Variants in ARHGAP6 observed in about 807,000 individuals in gnomAD.
The protein encoded by ARHGAP6 is Rho GTPase activating protein 6, also known as rho GTPase-activating protein 6.
ARHGAP6 carries 16 observed loss-of-function variants against 55.7 expected under a neutral mutation model. That is an observed-to-expected ratio of 0.29 (90% CI 0.19 to 0.44). ARHGAP6 has a LOEUF of 0.44. ARHGAP6 is among the 20% of genes least tolerant of loss of function. ARHGAP6 has a pLI of 1.00. For missense variants in ARHGAP6, 698 were observed against 808.9 expected (o/e 0.86, Z 1.66); for synonymous variants, 382 against 360.9 (o/e 1.06, Z -0.66).
At chrX:11,314,753 T>C (rs1347349892) in intron 1 of ARHGAP6, among the ~76,000 whole-genome samples, 1 of 111,049 alleles carries the variant, frequency 9.0e-6, no homozygotes, top group Non-Finnish European at 1.9e-5. Flanking sequence ...CATGGACACA[T>C]GGAGGGGAAC....
intron 1 of ARHGAP6, among the ~76,000 whole-genome samples, chrX:11,543,614 A>G (rs1364322554): frequency 8.9e-6 from 1 of 112,327 alleles, no homozygotes; most frequent in East Asian, 2.8e-4. Flanking sequence ...CTGAGACCAT[A>G]AAAACTCCAA....
chrX:11,579,825 G>A (rs768496195), intron 1 of ARHGAP6, among the ~76,000 whole-genome samples: 3 of 112,020 alleles, frequency 2.7e-5, no homozygotes, highest in Non-Finnish European at 5.6e-5. Context: ...TAAAAGGTAC[G>A]AGACTCAGCA....
chrX:11,476,543 T>C lies in ARHGAP6; in HGVS notation c.588+187698A>G, dbSNP rs751390517. Reference sequence around the variant, plus strand: ...ATAGGAATAACCAAATTATAGGACTTACAGTGTCTGGTTTCAAGATTTACT... The same window carrying C: ...ATAGGAATAACCAAATTATAGGACTCACAGTGTCTGGTTTCAAGATTTACT... On this transcript the variant is annotated intron_variant, in intron 1 of 12. Transcript: ENST00000337414. 1.8e-4 allele frequency among the ~76,000 whole-genome samples: 20 copies of C among 111,563 alleles called. No individual in the cohort carries two copies. In the East Asian group the frequency reaches 4.8e-3, roughly 27 times the overall value.
chrX:11,540,079 C>A (rs1189422488), intron 1 of ARHGAP6, among the ~76,000 whole-genome samples: 4 of 109,298 alleles, frequency 3.7e-5, no homozygotes, highest in Non-Finnish European at 1.9e-5. Flanking sequence ...GATGGTGAAA[C>A]CCCGTCTGTA....
intron 10 of ARHGAP6, among the ~76,000 whole-genome samples, chrX:11,149,648 A>G (rs995744077): frequency 2.7e-5 from 3 of 112,129 alleles, no homozygotes; most frequent in Non-Finnish European, 5.6e-5. Flanking sequence ...AGAAATTATA[A>G]TCTGTCACAT....
chrX:11,318,176 C>A (rs776831622), intron 1 of ARHGAP6, among the ~76,000 whole-genome samples: 1 of 112,172 alleles, frequency 8.9e-6, no homozygotes, highest in East Asian at 2.8e-4. Context: ...TACTATCCAG[C>A]AATATTGCTT....
chrX:11,465,924 T>TCTC (rs745969201), intron 1 of ARHGAP6, among the ~76,000 whole-genome samples: 3 of 103,863 alleles, frequency 2.9e-5, no homozygotes, highest in East Asian at 3.2e-4. Flanking sequence ...GACGAGTATG[T>TCTC]CTCCTCCTCC....
At chrX:11,195,394 G>C (rs1219624291) in intron 3 of ARHGAP6, among the ~76,000 whole-genome samples, 1 of 110,150 alleles carries the variant, frequency 9.1e-6, no homozygotes, top group Non-Finnish European at 1.9e-5. Flanking sequence ...CGTCAATGGG[G>C]CTCAGGTGTC....
chrX:11,333,799 T>A (rs1408570298), intron 1 of ARHGAP6, among the ~76,000 whole-genome samples: 1 of 112,238 alleles, frequency 8.9e-6, no homozygotes, highest in Non-Finnish European at 1.9e-5. Flanking sequence ...TGAGGCTGAC[T>A]GTTAATGACA....
intron 1 of ARHGAP6, among the ~76,000 whole-genome samples, chrX:11,605,138 G>A (rs2052019248): frequency 8.9e-6 from 1 of 111,785 alleles, no homozygotes; most frequent in Middle Eastern, 4.7e-3. Context: ...TGTGCACAAG[G>A]GACAGGAGGA....
intron 1 of ARHGAP6, among the ~76,000 whole-genome samples, chrX:11,339,743 A>G (rs1312579573): frequency 9.0e-6 from 1 of 111,348 alleles, no homozygotes; most frequent in Non-Finnish European, 1.9e-5. Flanking sequence ...GCATATCCCC[A>G]TCTAGGGGCA....
At chrX:11,634,978 T>C (rs949450263) in intron 1 of ARHGAP6, among the ~76,000 whole-genome samples, 3 of 110,529 alleles carry the variant, frequency 2.7e-5, no homozygotes, top group Admixed American at 1.9e-4. Flanking sequence ...CACATGGTCA[T>C]TGGCAGGATT....
rs189573670 is a variant in ARHGAP6 at position 11,367,509 on chromosome X, A to G, written c.589-112802T>C. On this transcript the variant is annotated intron_variant, in intron 1 of 12. Transcript: ENST00000337414. ...CATTTGTGATGAATCTTTGACTACAAGGACAAATTGACCCAGTACTTTCAT... is the reference window on the plus strand; with the variant it reads ...CATTTGTGATGAATCTTTGACTACAGGGACAAATTGACCCAGTACTTTCAT... 1.0e-3 allele frequency among the ~76,000 whole-genome samples: 113 copies of G among 112,188 alleles called. 1 individual carries two copies. Among genetic ancestry groups the G allele is most frequent in the African/African-American group, 3.4e-3 (105 of 30,922 alleles).
intron 1 of ARHGAP6, among the ~76,000 whole-genome samples, chrX:11,306,518 T>C (rs1467444312): frequency 8.9e-6 from 1 of 112,524 alleles, no homozygotes; most frequent in Non-Finnish European, 1.9e-5. Context: ...TCTAAGCACA[T>C]GACATGTATT....
At chrX:11,626,088 C>T (rs913915309) in intron 1 of ARHGAP6, among the ~76,000 whole-genome samples, 1 of 111,383 alleles carries the variant, frequency 9.0e-6, no homozygotes, top group African/African-American at 3.3e-5. Context: ...AGTAAAATGG[C>T]AACCTGTAAG....
intron 1 of ARHGAP6, among the ~76,000 whole-genome samples, chrX:11,483,703 A>G (rs574598435): frequency 9.0e-6 from 1 of 111,145 alleles, no homozygotes; most frequent in East Asian, 2.8e-4. Flanking sequence ...CTGCTTACCA[A>G]TGAAAATATC....
intron 1 of ARHGAP6, among the ~76,000 whole-genome samples, chrX:11,310,031 G>A (rs146606994): frequency 0.01 from 1,139 of 109,037 alleles, 22 homozygotes; most frequent in African/African-American, 0.036. Flanking sequence ...GTGGTGGTGC[G>A]TGCCCATAGT....
At chrX:11,405,596 A>C (rs1005328876) in intron 1 of ARHGAP6, among the ~76,000 whole-genome samples, 15 of 112,415 alleles carry the variant, frequency 1.3e-4, no homozygotes, top group African/African-American at 4.8e-4. Context: ...CTGGCATATT[A>C]ATTGGAAATC....
intron 1 of ARHGAP6, among the ~76,000 whole-genome samples, chrX:11,584,381 G>C (rs1311618869): frequency 8.9e-6 from 1 of 111,970 alleles, no homozygotes; most frequent in Non-Finnish European, 1.9e-5. Context: ...GCCACTAAAA[G>C]TCTATGGGGG....
Sources: gnomAD v4.1 joint callset for allele counts (sites outside exome capture counted in the v4.1 genomes callset) on GRCh38, gnomAD v4.1.1 for gene constraint, MANE v1.5 for transcripts, NCBI Gene and HGNC (gene_info 2026-07-23, HGNC 2026-07-21) for gene names.